Variants in CRYBG1 observed in about 807,000 individuals in gnomAD.
CRYBG1 encodes crystallin beta-gamma domain containing 1, also known as beta/gamma crystallin domain-containing protein 1.
A neutral mutation model predicts 189.2 loss-of-function variants in CRYBG1; 139 were observed. The ratio of observed to expected loss-of-function variants is 0.73; its 90% CI spans 0.64 to 0.85. The LOEUF is 0.85. Ranked by LOEUF, CRYBG1 falls within the 40% of genes least tolerant of loss-of-function variation. The pLI is 0.00. For synonymous variants in CRYBG1, 1,023 were observed against 1,017.1 expected (o/e 1.01, Z -0.11); for missense variants, 2,611 against 2,675.8 (o/e 0.98, Z 0.53).
At chr6:106,486,953 T>C (rs1772603284) in intron 2 of CRYBG1, among the ~76,000 whole-genome samples, 1 of 152,170 alleles carries the variant, frequency 6.6e-6, no homozygotes. Context: ...ATTTTGTTAA[T>C]TGATTTCTGG....
intron 2 of CRYBG1, among the ~76,000 whole-genome samples, chr6:106,469,288 T>C (rs1934765): frequency 0.82 from 125,205 of 152,232 alleles, 51,566 homozygotes; most frequent in East Asian, 0.96. Flanking sequence ...CACTCAGACA[T>C]GACTGCCTCA....
intron 2 of CRYBG1, among the ~76,000 whole-genome samples, chr6:106,476,397 G>T (rs552600990): frequency 2.0e-5 from 3 of 152,188 alleles, no homozygotes; most frequent in East Asian, 3.9e-4. Flanking sequence ...TTCTATAAAC[G>T]TCAAGGCCCT....
intron 9 of CRYBG1, 107 bp from the exon 10 acceptor site, chr6:106,541,479 A>T (rs1774128945): frequency 8.3e-6 from 9 of 1,087,672 alleles, no homozygotes; most frequent in Non-Finnish European, 1.3e-5. Context: ...ACAAACCAGA[A>T]CATAGTCACA....
chr6:106,508,499 C>A (rs538229836), intron 2 of CRYBG1, among the ~76,000 whole-genome samples: 3 of 151,908 alleles, frequency 2.0e-5, no homozygotes, highest in Non-Finnish European at 4.4e-5. Context: ...CCCACTGACC[C>A]CACCCTCAGG....
At chr6:106,385,312 T>C (rs1333262197) in intron 1 of CRYBG1, among the ~76,000 whole-genome samples, 1 of 152,176 alleles carries the variant, frequency 6.6e-6, no homozygotes, top group Admixed American at 6.5e-5. Flanking sequence ...TGGTTGATAA[T>C]ATTAATCACA....
intron 2 of CRYBG1, among the ~76,000 whole-genome samples, chr6:106,485,892 C>T (rs1475920303): frequency 6.6e-6 from 1 of 152,150 alleles, no homozygotes; most frequent in African/African-American, 2.4e-5. Flanking sequence ...AGAATTTTTG[C>T]ATGTGCATTC....
At chr6:106,436,545 T>C (rs913065972) in intron 1 of CRYBG1, among the ~76,000 whole-genome samples, 16 of 152,124 alleles carry the variant, frequency 1.1e-4, no homozygotes, top group Non-Finnish European at 2.1e-4. Flanking sequence ...CCACCCACCT[T>C]GGCCTCCCAA....
chr6:106,402,946 G>A (rs1008322865), intron 1 of CRYBG1, among the ~76,000 whole-genome samples: 13 of 152,190 alleles, frequency 8.5e-5, no homozygotes, highest in African/African-American at 2.9e-4. Flanking sequence ...TGTGAGGGCA[G>A]GAAACTGGTC....
chr6:106,530,217 A>G lies in CRYBG1; in HGVS notation c.4620A>G (p.Glu1540=). The change falls in exon 8 of 22, where the codon GAA becomes GAG. Residue 1540 remains glutamate, a synonymous_variant. Transcript: ENST00000633556. The part of the protein sequence containing the change: ...VSHIDLFTEP[E]GLGILSSYFD... ...ACATTGACTTATTTACTGAACCAGA[A>G]GGGTTAGGAATCCTAAGTTCCTACT... 6.2e-7 allele frequency: 1 copy of G among 1,613,318 alleles called. No individual in the cohort carries two copies. The highest frequency in any genetic ancestry group is 8.5e-7 in the Non-Finnish European group (1 of 1,179,506).
intron 1 of CRYBG1, among the ~76,000 whole-genome samples, chr6:106,374,549 C>T (rs905935198): frequency 6.6e-5 from 10 of 152,032 alleles, no homozygotes; most frequent in Admixed American, 2.0e-4. Context: ...CAGAGCAAGA[C>T]GTCTCGCTGA....
At chr6:106,432,084 A>G (rs910288906) in intron 1 of CRYBG1, among the ~76,000 whole-genome samples, 3 of 151,756 alleles carry the variant, frequency 2.0e-5, no homozygotes, top group African/African-American at 7.3e-5. Flanking sequence ...GGCAAAAATC[A>G]TTGCTGTCTT....
In CRYBG1 at chr6:106,527,347, C is replaced by T; in HGVS notation, c.4455C>T (p.Ile1485=). 1 of 1,612,990 alleles carries T rather than the reference C, an allele frequency of 6.2e-7. No individual in the cohort carries two copies. The highest frequency in any genetic ancestry group is 1.1e-5 in the South Asian group (1 of 90,904). ...AACCAAATTTTGAAGGGCACTCCAT[C>T]CCCTTAGAAGAAGGAGAATTGGAAC... ...YEQPNFEGHS[I]PLEEGELELS... is the part of the protein sequence containing the mutation. The change falls in exon 7 of 22, where the codon ATC becomes ATT. Residue 1485 remains isoleucine (I), a synonymous_variant. Coordinates refer to ENST00000633556, the MANE Select transcript of CRYBG1 (RefSeq NM_001371242.2).
chr6:106,490,362 G>A (rs963179570), intron 2 of CRYBG1, among the ~76,000 whole-genome samples: 7 of 152,176 alleles, frequency 4.6e-5, no homozygotes, highest in Admixed American at 4.6e-4. Context: ...GTTTAGGGGG[G>A]AGCAGTTCAC....
chr6:106,390,248 C>T (rs1032310925), intron 1 of CRYBG1, among the ~76,000 whole-genome samples: 4 of 152,094 alleles, frequency 2.6e-5, no homozygotes, highest in Admixed American at 6.6e-5. Flanking sequence ...TTTGGAAATA[C>T]TACTTGGTTT....
intron 1 of CRYBG1, among the ~76,000 whole-genome samples, chr6:106,417,560 T>A (rs1276410735): frequency 1.3e-5 from 2 of 152,262 alleles, no homozygotes; most frequent in Non-Finnish European, 2.9e-5. Flanking sequence ...CCAAGGCACT[T>A]ACCCTTGCTC....
intron 3 of CRYBG1, among the ~76,000 whole-genome samples, chr6:106,518,662 TA>T (rs1418000480): frequency 6.6e-6 from 1 of 152,038 alleles, no homozygotes; most frequent in Non-Finnish European, 1.5e-5. Flanking sequence ...ATAGTTTCAT[TA>T]AAAAACAAAT....
chr6:106,505,755 A>G (rs1773118245), intron 2 of CRYBG1, among the ~76,000 whole-genome samples: 1 of 152,050 alleles, frequency 6.6e-6, no homozygotes, highest in Non-Finnish European at 1.5e-5. Flanking sequence ...CTGCTCAGGA[A>G]AAAAAGTTGC....
chr6:106,490,897 CA>C (rs35505061), intron 2 of CRYBG1, among the ~76,000 whole-genome samples: 116,533 of 152,036 alleles, frequency 0.77, 45,748 homozygotes, highest in African/African-American at 0.92. Flanking sequence ...ACTTGTACTT[CA>C]AAAAAATGTG....
intron 1 of CRYBG1, among the ~76,000 whole-genome samples, chr6:106,439,742 A>AAAG (rs1771534077): frequency 6.6e-6 from 1 of 152,130 alleles, no homozygotes; most frequent in Non-Finnish European, 1.5e-5. Context: ...TGACTGAAAA[A>AAAG]AAAAAAGCAT....
Sources: gnomAD v4.1 joint callset for allele counts (sites outside exome capture counted in the v4.1 genomes callset) on GRCh38, gnomAD v4.1.1 for gene constraint, MANE v1.5 for transcripts, NCBI Gene and HGNC (gene_info 2026-07-23, HGNC 2026-07-21) for gene names.